The following POLG variants were observed in gnomAD, a reference collection of about 807,000 sequenced individuals.
POLG encodes DNA polymerase gamma, catalytic subunit.
In POLG, 110 loss-of-function variants were observed where a neutral mutation model predicts 155.4. The ratio of observed to expected loss-of-function variants is 0.71; its 90% CI spans 0.61 to 0.83. POLG has a LOEUF of 0.83. POLG is among the 40% of genes least tolerant of loss of function. POLG has a pLI of 0.00. For synonymous variants in POLG, 701 were observed against 631.5 expected (o/e 1.11, Z -1.65); for missense variants, 1,685 against 1,627.5 (o/e 1.04, Z -0.61).
chr15:89,325,923 G>A lies in POLG; in HGVS notation c.1713-237C>T, dbSNP rs73472661. On this transcript the variant is annotated intron_variant, in intron 9 of 22. Transcript: ENST00000268124. Reference sequence around the variant, plus strand: ...GTCAGTCCCACTGGACTAGTCAGAAGCCAGGACACAAAAGCATACCCTGAC... The same window carrying A: ...GTCAGTCCCACTGGACTAGTCAGAAACCAGGACACAAAAGCATACCCTGAC... Among the ~76,000 whole-genome samples, 5,562 of 152,232 alleles carry A rather than the reference G, an allele frequency of 0.037. 317 individuals are homozygous for A. The highest frequency in any genetic ancestry group is 0.12 in the African/African-American group (5,168 of 41,500).
chr15:89,325,341 T>A lies in POLG; in HGVS notation c.1949+109A>T, dbSNP rs1484609530. 8 of 746,488 alleles carry A rather than the reference T, an allele frequency of 1.1e-5. No individual in the cohort carries two copies. In the East Asian group the frequency reaches 1.2e-4, roughly 11 times the overall value. The allele number at this position is 746,488 out of a possible 1,614,324, so 46.2% of individuals were successfully genotyped here. ...TAATTTTTTTCCTGTTTTCCCTTCTTCTGAACCCAGACTCTTGAACCCAAA... is the reference window on the plus strand; with the variant it reads ...TAATTTTTTTCCTGTTTTCCCTTCTACTGAACCCAGACTCTTGAACCCAAA... On this transcript the variant is annotated intron_variant, in intron 10 of 22. Transcript: ENST00000268124.
chr15:89,318,883 T>C, intron 20 of POLG, 48 bp downstream of exon 20: 2 of 1,599,924 alleles, frequency 1.3e-6, no homozygotes, highest in Non-Finnish European at 1.7e-6. Flanking sequence ...AGCTCTGCCC[T>C]GCCCTCCCTG....
In POLG at chr15:89,325,342, C is replaced by A. The variant is rs376787493; in HGVS notation, c.1949+108G>T. 40 of 747,244 alleles carry A rather than the reference C, an allele frequency of 5.4e-5. No individual in the cohort carries two copies. In the East Asian group the frequency reaches 6.6e-4, roughly 12 times the overall value. 46.3% of individuals were successfully genotyped at this position (747,244 alleles called of 1,614,324 possible). A position where few individuals can be genotyped will look rare whatever the true frequency, so the allele number is the denominator to read the frequency against. On this transcript the variant is annotated intron_variant, in intron 10 of 22. Transcript: ENST00000268124. ...AATTTTTTTCCTGTTTTCCCTTCTT[C>A]TGAACCCAGACTCTTGAACCCAAAC...
rs750036881 is a variant in POLG, at chr15:89,323,819, G to A, written c.2153C>T (p.Ala718Val). The A allele has an allele frequency of 6.2e-7, 1 of 1,613,218 alleles. No individual in the cohort carries two copies. The highest frequency in any genetic ancestry group is 1.1e-5 in the South Asian group (1 of 91,072). ...LRAAVPGQPLALTARGGPKDT... is the reference protein window; with the variant it reads ...LRAAVPGQPLVLTARGGPKDT... ...CCAAGCCGGCGCACTGCTCACCAGA[G>A]CTAGGGGTTGACCTGGCACTGCAGC... Residue 718 changes from alanine (A) to valine (V), a missense_variant, in exon 12 of 23, where the codon GCT (alanine) becomes GTT (valine). Physicochemically the swap from Ala to Val is moderately conservative, Grantham distance 64. Around this residue, in one of 3 missense-constraint regions of POLG, gnomAD observed 1,210 missense variants for 1,167.1 expected, o/e 1.04. Transcript: ENST00000268124.
In POLG at chr15:89,324,243, T is replaced by TAGC. The variant is rs757463031; in HGVS notation, c.1950-19_1950-17dup. On this transcript the variant is annotated splice_polypyrimidine_tract_variant and intron_variant, in intron 10 of 22. Coordinates refer to ENST00000268124, the MANE Select transcript of POLG (RefSeq NM_002693.3). ...CTCGATGGCTCTGGGCAGAGAACAG[T>TAGC]AGCAGCAGCAGCCGCTGATTACCAG... The TAGC allele has an allele frequency of 3.1e-6, 5 of 1,610,368 alleles. No homozygotes were observed. Among genetic ancestry groups the TAGC allele is most frequent in the Non-Finnish European group, 4.2e-6 (5 of 1,179,904 alleles).
chr15:89,320,873 C>T lies in POLG; in HGVS notation c.2874G>A (p.Gly958=). 6.2e-7 allele frequency: 1 copy of T among 1,614,008 alleles called. No homozygotes were observed. ...IFNYGRIYGA[G]QPFAERLLMQ... ...TTAGTAAGCGCTCAGCAAAGGGCTG[C>T]CCAGCACCATAGATGCGGCCGTAGT... Residue 958 remains glycine (G), a synonymous_variant, in exon 18 of 23, where the codon GGG becomes GGA. Coordinates refer to ENST00000268124, the MANE Select transcript of POLG (RefSeq NM_002693.3).
In POLG at chr15:89,333,347, G is replaced by C. The variant is rs115109291; in HGVS notation, c.408C>G (p.Asp136Glu). 234 of 1,568,212 alleles carry C rather than the reference G, an allele frequency of 1.5e-4. No individual in the cohort carries two copies. The African/African-American group carries it at 2.9e-3, about 20-fold the overall frequency. ...RLPPLYGDNLDQHFRLLAQKQ... is the reference protein window; with the variant it reads ...RLPPLYGDNLEQHFRLLAQKQ... ...TCTGGGCCAGGAGGCGGAAGTGCTG[G>C]TCCAGGTTGTCCCCGTAGAGGGGCG... Residue 136 changes from aspartate to glutamate, a missense_variant, in exon 2 of 23, where the codon GAC becomes GAG. This residue lies in a region of POLG where 1,210 missense variants were observed against 1,167.1 expected (regional missense o/e 1.04). Transcript: ENST00000268124.
At position 89,324,153 on chromosome 15, in the gene POLG, A is replaced by G. The variant is rs758972981; in HGVS notation, c.2024T>C (p.Leu675Pro). 1.2e-5 allele frequency: 19 copies of G among 1,614,024 alleles called. No individual in the cohort carries two copies. Among genetic ancestry groups the G allele is most frequent in the Non-Finnish European group, 1.6e-5 (19 of 1,180,028 alleles). Residue 675 changes from leucine (L) to proline (P), a missense_variant, in exon 11 of 23, where the codon CTG becomes CCG. This residue lies in a region of POLG where 1,210 missense variants were observed against 1,167.1 expected (regional missense o/e 1.04). Transcript: ENST00000268124. Reference protein sequence around the residue: ...KQQLMPQEAGLAEEFLLTDNS... With the variant: ...KQQLMPQEAGPAEEFLLTDNS... ...GTCAGTGAGCAGGAACTCCTCCGCC[A>G]GGCCGGCCTCCTGGGGCATCAGCTG...
intron 2 of POLG, among the ~76,000 whole-genome samples, chr15:89,331,984 G>C (rs1178527901): frequency 6.6e-6 from 1 of 152,204 alleles, no homozygotes; most frequent in African/African-American, 2.4e-5. Flanking sequence ...AAGGGGACTT[G>C]AGGTAATTTG....
chr15:89,322,993 G>A (rs2055418367), intron 13 of POLG, 91 bp from the exon 14 acceptor site: 4 of 1,314,522 alleles, frequency 3.0e-6, no homozygotes, highest in Non-Finnish European at 4.3e-6. Context: ...TCCCAACACT[G>A]AGCCCAGAAC....
At position 89,323,915 on chromosome 15, in the gene POLG, A is replaced by C. The variant is rs150088708; in HGVS notation, c.2071-14T>G. 3.7e-4 allele frequency: 593 copies of C among 1,606,796 alleles called. No individual in the cohort carries two copies. The highest frequency in any genetic ancestry group is 4.8e-4 in the Non-Finnish European group (568 of 1,173,322). Reference sequence around the variant, plus strand: ...CAGTTCTTCTACCTGGAGCAGTCCAAGGACCAAAGTAGTGAAGCAGGGGAC... The same window carrying C: ...CAGTTCTTCTACCTGGAGCAGTCCACGGACCAAAGTAGTGAAGCAGGGGAC... On this transcript the variant is annotated splice_polypyrimidine_tract_variant and intron_variant, in intron 11 of 22. Coordinates refer to ENST00000268124, the MANE Select transcript of POLG (RefSeq NM_002693.3).
intron 10 of POLG, 47 bp from the exon 11 acceptor site, chr15:89,324,274 C>A: frequency 6.2e-7 from 1 of 1,603,778 alleles, no homozygotes. Context: ...ACCAGATGCC[C>A]ACTCTGGGCC....
rs879842429 is a variant in POLG at position 89,325,067 on chromosome 15, AGT to A, written c.1949+381_1949+382del. Among the ~76,000 whole-genome samples, 106 of 106,108 alleles carry A rather than the reference AGT, an allele frequency of 1.0e-3. 10 individuals carry two copies. Among genetic ancestry groups the A allele is most frequent in the African/African-American group, 4.1e-3 (99 of 24,096 alleles). The allele number at this position is 106,108 out of a possible 152,430, so 69.6% of individuals were successfully genotyped here. ...GAGTGAGTGAGTGAGAGAGTGAGTG[AGT>A]GAGTGAGTGAGTGAGAGAGTGAGTG... On this transcript the variant is annotated intron_variant, in intron 10 of 22. Transcript: ENST00000268124.
intron 11 of POLG, 80 bp from the exon 12 acceptor site, chr15:89,323,981 TCA>T (rs2055435717): frequency 2.6e-6 from 4 of 1,531,174 alleles, no homozygotes; most frequent in Non-Finnish European, 3.6e-6. Context: ...TGCATGGTAC[TCA>T]GACACTGCAG....
At chr15:89,320,403 T>C (rs992862831) in intron 18 of POLG, among the ~76,000 whole-genome samples, 2 of 152,220 alleles carry the variant, frequency 1.3e-5, no homozygotes, top group Non-Finnish European at 2.9e-5. Context: ...AGCGCCCTCC[T>C]GTCAACTCCT....
At chr15:89,324,908 C>T (rs956029253) in intron 10 of POLG, among the ~76,000 whole-genome samples, 2 of 152,210 alleles carry the variant, frequency 1.3e-5, no homozygotes, top group African/African-American at 4.8e-5. Context: ...CCTGTGAAGG[C>T]AGCTATGCTT....
Position 89,333,535 on chromosome 15 carries a change from A to G in POLG, c.220T>C (p.Leu74=), listed in dbSNP as rs1241802528. 3.7e-6 allele frequency: 6 copies of G among 1,612,658 alleles called. No homozygotes were observed. The highest frequency in any genetic ancestry group is 2.7e-5 in the African/African-American group (2 of 74,906). Residue 74 remains leucine, a synonymous_variant, in exon 2 of 23, where the codon TTG becomes CTG. Transcript: ENST00000268124. ...CCTCTCGAGAGCATCTGGATGTCCA[A>G]TGGGTTGTGCCGCAGCTGCCCGCCC... is the stretch of plus-strand genomic sequence containing the variant. ...SEGGQLRHNP[L]DIQMLSRGLH...
chr15:89,333,869 T>G lies in POLG; in HGVS notation c.-115A>C. ...GAGACACGTCCTGTCTCTGCTCTCC[T>G]GTCAGTGAAATGGGTTTGACCATGC... On this transcript the variant is annotated 5_prime_UTR_variant, in exon 2 of 23. Coordinates refer to ENST00000268124, the MANE Select transcript of POLG (RefSeq NM_002693.3). 1 of 1,284,860 alleles carries G rather than the reference T, an allele frequency of 7.8e-7. No homozygotes were observed. Among genetic ancestry groups the G allele is most frequent in the South Asian group, 1.3e-5 (1 of 77,434 alleles). 79.6% of individuals were successfully genotyped at this position (1,284,860 alleles called of 1,614,324 possible).
chr15:89,331,750 CT>C (rs2055596618), intron 2 of POLG, among the ~76,000 whole-genome samples: 1 of 152,132 alleles, frequency 6.6e-6, no homozygotes, highest in Non-Finnish European at 1.5e-5. Context: ...AAGTGGACCG[CT>C]ATTAGGGCAC....
Sources: allele counts gnomAD v4.1 joint callset (sites outside exome capture counted in the v4.1 genomes callset), GRCh38; gene constraint gnomAD v4.1.1; regional missense constraint gnomAD v4.1.1; transcripts MANE v1.5; gene names NCBI Gene and HGNC (gene_info 2026-07-23, HGNC 2026-07-21).